The following UGT1A10 variants were observed in gnomAD, a reference collection of about 807,000 sequenced individuals.
UGT1A10 encodes UDP-glucuronosyltransferase 1A10.
A neutral mutation model predicts 45.8 loss-of-function variants in UGT1A10; 49 were observed. The ratio of observed to expected loss-of-function variants is 1.07; its 90% CI spans 0.85 to 1.36. The LOEUF is 1.36. UGT1A10 is among the 40% of genes most tolerant of loss of function. UGT1A10 has a pLI of 0.00. For missense variants in UGT1A10, 745 were observed against 668.6 expected (o/e 1.11, Z -1.26); for synonymous variants, 284 against 249.7 (o/e 1.14, Z -1.29).
In UGT1A10 at chr2:233,649,656, C is replaced by T. The variant is rs181100489; in HGVS notation, c.855+12279C>T. Among the ~76,000 whole-genome samples, 148 of 152,256 alleles carry T rather than the reference C, an allele frequency of 9.7e-4. 1 individual carries two copies. Among genetic ancestry groups the T allele is most frequent in the Middle Eastern group, 3.4e-3 (1 of 294 alleles). ...TTTAATAATTGCATAAAAGTCTTTACTTTGGATGCAACATAGACACAAGCT... is the reference window on the plus strand; with the variant it reads ...TTTAATAATTGCATAAAAGTCTTTATTTTGGATGCAACATAGACACAAGCT... On this transcript the variant is annotated intron_variant, in intron 1 of 4. Transcript: ENST00000344644.
In UGT1A10 at chr2:233,637,230, A is replaced by G. The variant is rs772755640; in HGVS notation, c.708A>G (p.Gln236=). ...TAGAAATAGCCTCTGAAATTCTCCA[A>G]ACCCCTGTCACGGCATATGATCTCT... is the stretch of plus-strand genomic sequence containing the variant. ...NALEIASEIL[Q]TPVTAYDLYS... The change falls in exon 1 of 5, where the codon CAA becomes CAG. Residue 236 remains glutamine (Q), a synonymous_variant. Coordinates refer to ENST00000344644, the MANE Select transcript of UGT1A10 (RefSeq NM_019075.4). The G allele has an allele frequency of 6.2e-7, 1 of 1,613,806 alleles. No individual in the cohort carries two copies. Among genetic ancestry groups the G allele is most frequent in the Non-Finnish European group, 8.5e-7 (1 of 1,179,870 alleles).
At chr2:233,746,615 T>G (rs1693440411) in intron 1 of UGT1A10, among the ~76,000 whole-genome samples, 1 of 151,704 alleles carries the variant, frequency 6.6e-6, no homozygotes, top group Non-Finnish European at 1.5e-5. Flanking sequence ...ACCTGACCCC[T>G]CCTTTCAGGC....
intron 1 of UGT1A10, among the ~76,000 whole-genome samples, chr2:233,739,476 A>T (rs913646200): frequency 6.6e-6 from 1 of 152,224 alleles, no homozygotes; most frequent in African/African-American, 2.4e-5. Flanking sequence ...AGACCGTGGG[A>T]GCCCATTTCT....
At chr2:233,719,630 G>A in intron 1 of UGT1A10, 1 of 1,614,064 alleles carries the variant, frequency 6.2e-7, no homozygotes, top group Non-Finnish European at 8.5e-7. Flanking sequence ...GGCCGATCAT[G>A]CCCAACATGG....
chr2:233,746,319 GA>G (rs1693359020), intron 1 of UGT1A10, among the ~76,000 whole-genome samples: 9 of 151,794 alleles, frequency 5.9e-5, no homozygotes, highest in Non-Finnish European at 1.0e-4. Context: ...CCCTGTAGAT[GA>G]TCTACAGGGC....
chr2:233,766,278 C>T (rs4663334), intron 1 of UGT1A10, among the ~76,000 whole-genome samples: 20,562 of 116,134 alleles, frequency 0.18, 1,583 homozygotes, highest in African/African-American at 0.25. Flanking sequence ...CTCGGTGGCC[C>T]GGGCTCGGTG....
chr2:233,737,607 T>A (rs970268869), intron 1 of UGT1A10, among the ~76,000 whole-genome samples: 49 of 152,170 alleles, frequency 3.2e-4, no homozygotes, highest in African/African-American at 1.2e-3. Flanking sequence ...GGTACCTCAG[T>A]TGGAAATGCA....
chr2:233,716,467 G>A (rs376929517), intron 1 of UGT1A10, among the ~76,000 whole-genome samples: 1 of 151,558 alleles, frequency 6.6e-6, no homozygotes, highest in African/African-American at 2.4e-5. Context: ...TTTAATTTTT[G>A]TTTCTGTCCT....
At chr2:233,764,663 C>T (rs4148325) in intron 1 of UGT1A10, among the ~76,000 whole-genome samples, 54,844 of 151,792 alleles carry the variant, frequency 0.36, 10,318 homozygotes, top group African/African-American at 0.45. Flanking sequence ...CATTTACCAA[C>T]GCTCAGAAGA....
intron 1 of UGT1A10, among the ~76,000 whole-genome samples, chr2:233,665,956 C>T (rs560261782): frequency 6.6e-6 from 1 of 152,224 alleles, no homozygotes; most frequent in South Asian, 2.1e-4. Context: ...TGTCTTAGTC[C>T]GTTTGCATTG....
chr2:233,638,147 A>C (rs772888659), intron 1 of UGT1A10, among the ~76,000 whole-genome samples: 5 of 152,174 alleles, frequency 3.3e-5, no homozygotes, highest in Non-Finnish European at 7.4e-5. Context: ...TCTTTTTGCT[A>C]TTAAGTCTTC....
At chr2:233,737,278 C>T (rs2078858551) in intron 1 of UGT1A10, among the ~76,000 whole-genome samples, 2 of 152,234 alleles carry the variant, frequency 1.3e-5, no homozygotes, top group Admixed American at 1.3e-4. Context: ...CACCCCTCAC[C>T]CAGCCAGGCT....
chr2:233,716,591 A>G (rs766346960), intron 1 of UGT1A10, among the ~76,000 whole-genome samples: 5 of 152,152 alleles, frequency 3.3e-5, no homozygotes, highest in Non-Finnish European at 7.4e-5. Context: ...CAAAGAGCAA[A>G]AATTTTAGAA....
At chr2:233,752,422 T>C (rs1694966934) in intron 1 of UGT1A10, 1 of 152,180 alleles carries the variant, frequency 6.6e-6, no homozygotes, top group Non-Finnish European at 1.5e-5. Context: ...GAAAACCTGA[T>C]TTATCGAACC....
intron 1 of UGT1A10, among the ~76,000 whole-genome samples, chr2:233,757,818 T>C (rs527929450): frequency 1.3e-5 from 2 of 151,564 alleles, no homozygotes; most frequent in East Asian, 3.9e-4. Flanking sequence ...GAGCTGGTAG[T>C]GTGTCTGATG....
At chr2:233,659,626 A>T (rs2073926489) in intron 1 of UGT1A10, among the ~76,000 whole-genome samples, 1 of 152,016 alleles carries the variant, frequency 6.6e-6, no homozygotes. Flanking sequence ...GAGGTGGAGG[A>T]GGTGGAAAGG....
chr2:233,707,565 T>C (rs1281598076), intron 1 of UGT1A10, among the ~76,000 whole-genome samples: 5 of 151,872 alleles, frequency 3.3e-5, no homozygotes, highest in Non-Finnish European at 7.4e-5. Flanking sequence ...TTCAACCTTA[T>C]GTTTGAGAGA....
At chr2:233,724,842 G>C (rs2077321270) in intron 1 of UGT1A10, among the ~76,000 whole-genome samples, 1 of 132,456 alleles carries the variant, frequency 7.5e-6, no homozygotes, top group Non-Finnish European at 1.6e-5. Flanking sequence ...GGAGGCCAAG[G>C]CAGGCGGCTG....
chr2:233,721,622 A>G (rs2076958313), intron 1 of UGT1A10: 1 of 189,722 alleles, frequency 5.3e-6, no homozygotes, highest in Non-Finnish European at 1.1e-5. Flanking sequence ...GTTCCTTATC[A>G]GTAAAGATCA....
Sources: gnomAD v4.1 joint callset for allele counts (sites outside exome capture counted in the v4.1 genomes callset) on GRCh38, gnomAD v4.1.1 for gene constraint, MANE v1.5 for transcripts, NCBI Gene and HGNC (gene_info 2026-07-23, HGNC 2026-07-21) for gene names.